AQP9: variants seen among roughly 807,000 people sequenced by gnomAD.
AQP9 encodes aquaporin-9.
AQP9 carries 19 observed loss-of-function variants against 23.8 expected under a neutral mutation model. That is an observed-to-expected ratio of 0.80 (90% CI 0.56 to 1.17). AQP9 has a LOEUF of 1.17. AQP9 is among the 50% of genes most tolerant of loss of function. The pLI is 0.00. For missense variants in AQP9, 413 were observed against 362.0 expected, an observed-to-expected ratio of 1.14 and a Z score of -1.14; for synonymous variants, 153 against 131.5, an observed-to-expected ratio of 1.16 and a Z score of -1.12.
chr15:58,164,653 G>T (rs752118910), intron 1 of AQP9, among the ~76,000 whole-genome samples: 3 of 152,086 alleles, frequency 2.0e-5, no homozygotes, highest in Non-Finnish European at 2.9e-5. Context: ...AACATTCAGC[G>T]TAGGGTACAA....
chr15:58,182,297 A>C lies in AQP9; in HGVS notation c.714-1664A>C, dbSNP rs565582138. Among the ~76,000 whole-genome samples, 4 of 152,320 alleles carry C rather than the reference A, an allele frequency of 2.6e-5. No homozygotes were observed. In the South Asian group the frequency reaches 8.3e-4, roughly 32 times the overall value. On this transcript the variant is annotated intron_variant, in intron 5 of 5. Coordinates refer to ENST00000219919, the MANE Select transcript of AQP9 (RefSeq NM_020980.5). ...ATGGTCCTTTAGACAGTTAACATAC[A>C]CATGTTCCTGGCATCTCCCGAATCA...
chr15:58,180,211 G>A (rs1898851387), intron 5 of AQP9, among the ~76,000 whole-genome samples: 1 of 152,128 alleles, frequency 6.6e-6, no homozygotes, highest in African/African-American at 2.4e-5. Context: ...GCTCACTTTG[G>A]TTCATCAGGA....
intron 1 of AQP9, among the ~76,000 whole-genome samples, chr15:58,141,436 A>C (rs1364022721): frequency 6.6e-6 from 1 of 152,224 alleles, no homozygotes; most frequent in African/African-American, 2.4e-5. Flanking sequence ...AAGCTTCCGC[A>C]TTAGAGGTCT....
At chr15:58,176,586 A>G (rs1022449275) in intron 4 of AQP9, among the ~76,000 whole-genome samples, 21 of 149,792 alleles carry the variant, frequency 1.4e-4, no homozygotes, top group African/African-American at 4.9e-4. Context: ...AGCGAGGACA[A>G]TTTTGGTTAT....
chr15:58,181,388 G>A (rs1898886180), intron 5 of AQP9, among the ~76,000 whole-genome samples: 1 of 152,196 alleles, frequency 6.6e-6, no homozygotes, highest in South Asian at 2.1e-4. Context: ...GGTTGAAGCA[G>A]TCAAGTGCCA....
chr15:58,182,079 G>C (rs1898900185), intron 5 of AQP9, among the ~76,000 whole-genome samples: 1 of 152,194 alleles, frequency 6.6e-6, no homozygotes, highest in African/African-American at 2.4e-5. Flanking sequence ...ACAGCGAGAT[G>C]CCAGAGGGTT....
At chr15:58,147,250 T>C (rs1898063711) in intron 1 of AQP9, among the ~76,000 whole-genome samples, 1 of 152,150 alleles carries the variant, frequency 6.6e-6, no homozygotes, top group Non-Finnish European at 1.5e-5. Flanking sequence ...CGTCAGTTTT[T>C]CTTTAGTGAC....
chr15:58,152,709 G>T (rs1379399619), intron 1 of AQP9: 1 of 152,014 alleles, frequency 6.6e-6, no homozygotes, highest in Non-Finnish European at 1.5e-5. Context: ...CCCATACTAC[G>T]TAAAAATATC....
chr15:58,174,791 G>A (rs1485627333), intron 3 of AQP9, 127 bp from the exon 4 acceptor site: 178 of 752,894 alleles, frequency 2.4e-4, no homozygotes, highest in Non-Finnish European at 1.4e-4. Flanking sequence ...CGGAAGTAGA[G>A]AGAGACAAAT....
chr15:58,149,180 C>T (rs1320482505), intron 1 of AQP9, among the ~76,000 whole-genome samples: 1 of 152,178 alleles, frequency 6.6e-6, no homozygotes, highest in African/African-American at 2.4e-5. Flanking sequence ...CAGCAGTTGT[C>T]ACAGGAGGAA....
chr15:58,146,540 CCTGTT>C (rs1461376178), intron 1 of AQP9, among the ~76,000 whole-genome samples: 2 of 152,004 alleles, frequency 1.3e-5, no homozygotes, highest in Non-Finnish European at 2.9e-5. Context: ...ATATTTTAAA[CCTGTT>C]CTGTCGTCTC....
In AQP9 at chr15:58,179,281, C is replaced by T. The variant is rs1898829397; in HGVS notation, c.649C>T (p.Pro217Ser). The change falls in exon 5 of 6, where the codon CCA (proline) becomes TCA (serine). Residue 217 changes from proline to serine, a missense_variant. Transcript: ENST00000219919. ...ACTGAACAGTGGCTGTGCCATGAAC[C>T]CAGCTCGAGACCTGAGTCCCAGACT... ...LGLNSGCAMN[P>S]ARDLSPRLFT... is the part of the protein sequence containing the mutation. 6.2e-7 allele frequency: 1 copy of T among 1,614,130 alleles called. No homozygotes were observed. Among genetic ancestry groups the T allele is most frequent in the Non-Finnish European group, 8.5e-7 (1 of 1,180,016 alleles).
chr15:58,178,005 A>G (rs979534233), intron 4 of AQP9, among the ~76,000 whole-genome samples: 12 of 152,346 alleles, frequency 7.9e-5, no homozygotes, highest in Admixed American at 5.2e-4. Context: ...GGACATGTAC[A>G]GACTTTTTTC....
intron 1 of AQP9, chr15:58,151,505 A>AC (rs1898149130): frequency 6.6e-6 from 1 of 151,822 alleles, no homozygotes; most frequent in African/African-American, 2.4e-5. Context: ...CACTAACATC[A>AC]CCCCTTCTAA....
At chr15:58,169,865 G>A (rs149320873) in intron 2 of AQP9, among the ~76,000 whole-genome samples, 45 of 152,172 alleles carry the variant, frequency 3.0e-4, no homozygotes, top group African/African-American at 1.1e-3. Context: ...TAAACTTATT[G>A]AAAAAGCAAA....
At chr15:58,152,709 G>A (rs1379399619) in intron 1 of AQP9, 9 of 152,014 alleles carry the variant, frequency 5.9e-5, no homozygotes, top group African/African-American at 2.2e-4. Flanking sequence ...CCCATACTAC[G>A]TAAAAATATC....
intron 2 of AQP9, among the ~76,000 whole-genome samples, chr15:58,170,493 C>T (rs538059033): frequency 7.4e-4 from 113 of 152,084 alleles, no homozygotes; most frequent in Non-Finnish European, 1.2e-3. Context: ...CAACCTCCGC[C>T]TCCCAGGTTC....
chr15:58,160,819 C>A (rs1431828884), intron 1 of AQP9, among the ~76,000 whole-genome samples: 8 of 152,094 alleles, frequency 5.3e-5, no homozygotes, highest in Non-Finnish European at 1.2e-4. Context: ...GATTTCAGCT[C>A]ATCATTAAGA....
intron 5 of AQP9, among the ~76,000 whole-genome samples, chr15:58,181,474 G>T (rs1898887984): frequency 6.6e-6 from 1 of 152,198 alleles, no homozygotes; most frequent in Non-Finnish European, 1.5e-5. Context: ...GGGAGTGGAA[G>T]TGGGAACATT....
Sources: allele counts gnomAD v4.1 joint callset (sites outside exome capture counted in the v4.1 genomes callset), GRCh38; gene constraint gnomAD v4.1.1; transcripts MANE v1.5; gene names NCBI Gene and HGNC (gene_info 2026-07-23, HGNC 2026-07-21).